PTPRD: variants seen among roughly 807,000 people sequenced by gnomAD.
The protein encoded by PTPRD is protein tyrosine phosphatase receptor type D.
PTPRD carries 34 observed loss-of-function variants against 214.5 expected under a neutral mutation model. The observed-to-expected ratio is 0.16, with a 90% CI of 0.12 to 0.21. PTPRD has a LOEUF of 0.21. Among genes scored for constraint, PTPRD ranks in the 10% least tolerant of loss-of-function variants. The pLI, the probability that PTPRD is intolerant of heterozygous loss-of-function variation, is 1.00. For missense variants in PTPRD, 2,545 were observed against 2,398.7 expected, an observed-to-expected ratio of 1.06 and a Z score of -1.27; for synonymous variants, 1,128 against 845.7, an observed-to-expected ratio of 1.33 and a Z score of -5.79.
intron 8 of PTPRD, among the ~76,000 whole-genome samples, chr9:9,400,888 A>G (rs1002894412): frequency 3.3e-5 from 5 of 152,054 alleles, no homozygotes; most frequent in South Asian, 2.1e-4. Context: ...TTACCCATCC[A>G]CTTCTCCATA....
chr9:9,300,611 T>C (rs1205095949), intron 9 of PTPRD, among the ~76,000 whole-genome samples: 1 of 151,730 alleles, frequency 6.6e-6, no homozygotes, highest in Non-Finnish European at 1.5e-5. Context: ...GGGATTAGTG[T>C]CCTTATAAAA....
chr9:8,710,053 G>C (rs753628563), intron 12 of PTPRD, among the ~76,000 whole-genome samples: 23 of 152,120 alleles, frequency 1.5e-4, no homozygotes, highest in Non-Finnish European at 3.1e-4. Flanking sequence ...GCTAATAAGG[G>C]TTCTTAAAAC....
intron 3 of PTPRD, among the ~76,000 whole-genome samples, chr9:10,334,628 C>T (rs1485308135): frequency 1.3e-5 from 2 of 151,440 alleles, no homozygotes; most frequent in African/African-American, 4.8e-5. Context: ...ACCGTCTTTG[C>T]TTGCGGATGA....
chr9:9,752,641 A>G (rs1211822893), intron 6 of PTPRD, among the ~76,000 whole-genome samples: 2 of 152,056 alleles, frequency 1.3e-5, no homozygotes, highest in Non-Finnish European at 2.9e-5. Flanking sequence ...AGAAAATGAC[A>G]TTAACATTTT....
intron 11 of PTPRD, among the ~76,000 whole-genome samples, chr9:8,847,229 A>C (rs947876502): frequency 6.6e-6 from 1 of 152,170 alleles, no homozygotes; most frequent in African/African-American, 2.4e-5. Flanking sequence ...AAATAGTAAA[A>C]GTCGGATTAA....
intron 11 of PTPRD, among the ~76,000 whole-genome samples, chr9:8,895,282 C>A (rs1249795946): frequency 6.6e-6 from 1 of 152,092 alleles, no homozygotes; most frequent in Non-Finnish European, 1.5e-5. Context: ...AGGATAAGAT[C>A]AAAGCCCTTC....
chr9:8,633,813 TTCTC>T (rs780158920), intron 13 of PTPRD, among the ~76,000 whole-genome samples: 14 of 152,096 alleles, frequency 9.2e-5, no homozygotes, highest in African/African-American at 1.4e-4. Context: ...AAATTATTCT[TTCTC>T]TCACAGCACA....
chr9:10,386,286 A>T (rs1392167597), intron 2 of PTPRD, among the ~76,000 whole-genome samples: 1 of 151,904 alleles, frequency 6.6e-6, no homozygotes, highest in Non-Finnish European at 1.5e-5. Flanking sequence ...TAGAAACAGA[A>T]ATTTCCCCTC....
At chr9:8,991,448 C>T (rs2099366341) in intron 11 of PTPRD, among the ~76,000 whole-genome samples, 1 of 151,966 alleles carries the variant, frequency 6.6e-6, no homozygotes, top group Non-Finnish European at 1.5e-5. Context: ...AAATCCCTTG[C>T]CTTATTTAAT....
intron 21 of PTPRD, among the ~76,000 whole-genome samples, chr9:8,510,635 G>A (rs2097658959): frequency 6.6e-6 from 1 of 152,146 alleles, no homozygotes; most frequent in Non-Finnish European, 1.5e-5. Flanking sequence ...TTCAGCATAT[G>A]GGCCATGAAA....
intron 7 of PTPRD, among the ~76,000 whole-genome samples, chr9:9,727,167 T>C (rs2098110522): frequency 6.6e-6 from 1 of 152,102 alleles, no homozygotes; most frequent in African/African-American, 2.4e-5. Context: ...CTATATAAAT[T>C]ATTCTTGGCC....
intron 8 of PTPRD, among the ~76,000 whole-genome samples, chr9:9,431,240 G>A (rs187521026): frequency 1.9e-4 from 29 of 152,210 alleles, no homozygotes; most frequent in Middle Eastern, 3.4e-3. Context: ...AAAAGTAGGC[G>A]AAGGATATGA....
chr9:10,364,805 T>A (rs765125826), intron 2 of PTPRD, among the ~76,000 whole-genome samples: 3 of 152,204 alleles, frequency 2.0e-5, no homozygotes, highest in Non-Finnish European at 4.4e-5. Context: ...ATCTATTATC[T>A]CTATTACCAT....
At chr9:9,606,848 A>G (rs181906780) in intron 7 of PTPRD, among the ~76,000 whole-genome samples, 39 of 151,786 alleles carry the variant, frequency 2.6e-4, no homozygotes, top group African/African-American at 9.2e-4. Context: ...GTGTCTGACT[A>G]TCCTCCAAGC....
chr9:9,228,931 C>T (rs1042600969), intron 9 of PTPRD, among the ~76,000 whole-genome samples: 2 of 151,932 alleles, frequency 1.3e-5, no homozygotes, highest in Non-Finnish European at 2.9e-5. Context: ...TATGTATGTA[C>T]ATTACCACAA....
intron 11 of PTPRD, among the ~76,000 whole-genome samples, chr9:8,785,436 C>T (rs1420163763): frequency 6.6e-6 from 1 of 152,152 alleles, no homozygotes; most frequent in Non-Finnish European, 1.5e-5. Context: ...TGGTTCTGTC[C>T]AAACCACAAT....
In PTPRD at chr9:9,130,018, T is replaced by A. The variant is rs1460348001; in HGVS notation, c.-143+53286A>T. On this transcript the variant is annotated intron_variant, in intron 10 of 45. Coordinates refer to ENST00000381196, the MANE Select transcript of PTPRD (RefSeq NM_002839.4). ...TAAGCACTTAAGAGTGCCTGACATA[T>A]AATAGGCTCTTAATGTTATACATTG... 2.0e-5 allele frequency among the ~76,000 whole-genome samples: 3 copies of A among 152,182 alleles called. No homozygotes were observed. The East Asian group carries it at 5.8e-4, about 29-fold the overall frequency.
At chr9:8,891,333 C>G (rs915794765) in intron 11 of PTPRD, among the ~76,000 whole-genome samples, 1 of 151,738 alleles carries the variant, frequency 6.6e-6, no homozygotes, top group African/African-American at 2.4e-5. Context: ...GGAGTTTCAC[C>G]GTGTTAGCCA....
chr9:10,253,576 T>C (rs1002348016), intron 3 of PTPRD, among the ~76,000 whole-genome samples: 1 of 152,220 alleles, frequency 6.6e-6, no homozygotes, highest in Non-Finnish European at 1.5e-5. Context: ...CTAATTATAA[T>C]TGAGTTTCAT....
Sources: gnomAD v4.1 joint callset for allele counts (sites outside exome capture counted in the v4.1 genomes callset) on GRCh38, gnomAD v4.1.1 for gene constraint, MANE v1.5 for transcripts, NCBI Gene and HGNC (gene_info 2026-07-23, HGNC 2026-07-21) for gene names.